TBX15: variants seen among roughly 807,000 people sequenced by gnomAD.
TBX15 encodes T-box transcription factor TBX15.
In TBX15, 18 loss-of-function variants were observed where a neutral mutation model predicts 53.9. The ratio of observed to expected loss-of-function variants is 0.33; its 90% CI spans 0.23 to 0.49. The LOEUF is 0.49. Ranked by LOEUF, TBX15 falls within the 20% of genes least tolerant of loss-of-function variation. The pLI, the probability that TBX15 is intolerant of heterozygous loss-of-function variation, is 0.98. For synonymous variants in TBX15, 295 were observed against 278.0 expected (o/e 1.06, Z -0.61); for missense variants, 692 against 749.5 (o/e 0.92, Z 0.90).
intron 1 of TBX15, among the ~76,000 whole-genome samples, chr1:118,941,177 T>A (rs1267074071): frequency 6.6e-6 from 1 of 152,180 alleles, no homozygotes; most frequent in Non-Finnish European, 1.5e-5. Flanking sequence ...CATAGCACCA[T>A]TGTGTATCTG....
At position 118,923,555 on chromosome 1, in the gene TBX15, G is replaced by A. The variant is rs371264178; in HGVS notation, c.742C>T (p.Arg248Cys). 101 of 1,613,860 alleles carry A rather than the reference G, an allele frequency of 6.3e-5. No individual in the cohort carries two copies. Among genetic ancestry groups the A allele is most frequent in the Non-Finnish European group, 8.2e-5 (97 of 1,179,934 alleles). Residue 248 changes from arginine to cysteine, a missense_variant, in exon 5 of 8, where the codon CGC (arginine) becomes TGC (cysteine). Arg to Cys is a radical substitution (Grantham distance 180). Around this residue, in one of 3 missense-constraint regions of TBX15, gnomAD observed 307 missense variants for 347.5 expected, o/e 0.88. Transcript: ENST00000369429. ...GAAAGGTCACTGCTGAAGTCTTTGCGAATCACATGAACTCGAGGCTGGTAT... is the reference window on the plus strand; with the variant it reads ...GAAAGGTCACTGCTGAAGTCTTTGCAAATCACATGAACTCGAGGCTGGTAT... The part of the protein sequence containing the change: ...HKYQPRVHVI[R>C]KDFSSDLSPT...
At chr1:118,944,913 A>C (rs1399302253) in intron 1 of TBX15, among the ~76,000 whole-genome samples, 1 of 152,138 alleles carries the variant, frequency 6.6e-6, no homozygotes, top group Non-Finnish European at 1.5e-5. Context: ...TTCCCAGGGA[A>C]TGGGGGTCAA....
At chr1:118,897,067 TTG>T (rs1378879425) in intron 7 of TBX15, among the ~76,000 whole-genome samples, 1 of 152,204 alleles carries the variant, frequency 6.6e-6, no homozygotes, top group African/African-American at 2.4e-5. Flanking sequence ...TTTGAAACCA[TTG>T]TTTTCAAAAT....
At chr1:118,925,483 T>A (rs1443395326) in intron 3 of TBX15, among the ~76,000 whole-genome samples, 2 of 152,206 alleles carry the variant, frequency 1.3e-5, no homozygotes, top group Non-Finnish European at 2.9e-5. Context: ...TCTACACTAT[T>A]TTCCCACAAA....
intron 1 of TBX15, among the ~76,000 whole-genome samples, chr1:118,967,720 G>T (rs1657097061): frequency 6.6e-6 from 1 of 152,184 alleles, no homozygotes; most frequent in Admixed American, 6.5e-5. Context: ...CCTAAGAGTT[G>T]CAAATGTTGA....
At chr1:118,890,773 T>A in intron 7 of TBX15, 1 of 631,084 alleles carries the variant, frequency 1.6e-6, no homozygotes, top group Non-Finnish European at 2.4e-6. Context: ...TTCAATTTAT[T>A]TTGCTGTGCT....
chr1:118,895,053 C>T (rs966013209), intron 7 of TBX15, among the ~76,000 whole-genome samples: 1 of 152,146 alleles, frequency 6.6e-6, no homozygotes, highest in Non-Finnish European at 1.5e-5. Context: ...TGGCTCATGT[C>T]CACTAAATTG....
intron 7 of TBX15, among the ~76,000 whole-genome samples, chr1:118,896,624 G>T (rs1654434628): frequency 6.6e-6 from 1 of 152,094 alleles, no homozygotes; most frequent in Non-Finnish European, 1.5e-5. Flanking sequence ...TGCAAACACT[G>T]CCAATACTCA....
At chr1:118,964,067 G>A (rs1656963297) in intron 1 of TBX15, among the ~76,000 whole-genome samples, 1 of 152,218 alleles carries the variant, frequency 6.6e-6, no homozygotes, top group Non-Finnish European at 1.5e-5. Context: ...CATGTATCAT[G>A]CTGTGCCCTG....
At chr1:118,956,796 A>C (rs1452512114) in intron 1 of TBX15, among the ~76,000 whole-genome samples, 1 of 151,846 alleles carries the variant, frequency 6.6e-6, no homozygotes, top group Admixed American at 6.6e-5. Flanking sequence ...ACTAAAAAAA[A>C]AAAAAATTAG....
chr1:118,888,930 G>C lies in TBX15; in HGVS notation c.1025-3414C>G, dbSNP rs536415477. The stretch of plus-strand genomic sequence containing the variant: ...TACAAAAAGAAAAAAAAAAAAAGGT[G>C]GGGGGTGGAACTATTAACAAGTTAC... On this transcript the variant is annotated intron_variant, in intron 7 of 7. Coordinates refer to ENST00000369429, the MANE Select transcript of TBX15 (RefSeq NM_001330677.2). Among the ~76,000 whole-genome samples, 7 of 152,188 alleles carry C rather than the reference G, an allele frequency of 4.6e-5. No homozygotes were observed. In the South Asian group the frequency reaches 1.2e-3, roughly 27 times the overall value.
In TBX15 at chr1:118,885,187, T is replaced by C. The variant is rs779069747; in HGVS notation, c.1354A>G (p.Thr452Ala). Reference protein sequence around the residue: ...RTPSLISGIPTPPSLPGNSKM... With the variant: ...RTPSLISGIPAPPSLPGNSKM... ...CTGTTGCCAGGCAACGAGGGAGGAGTTGGTATTCCTGAGATCAGGGATGGA... is the reference window on the plus strand; with the variant it reads ...CTGTTGCCAGGCAACGAGGGAGGAGCTGGTATTCCTGAGATCAGGGATGGA... Residue 452 changes from threonine to alanine, a missense_variant, in exon 8 of 8, where the codon ACT becomes GCT. Physicochemically the swap from Thr to Ala is moderately conservative, Grantham distance 58 (BLOSUM62 0). This residue lies in a region of TBX15 where 375 missense variants were observed against 371.6 expected (regional missense o/e 1.01). Coordinates refer to ENST00000369429, the MANE Select transcript of TBX15 (RefSeq NM_001330677.2). The C allele has an allele frequency of 5.0e-6, 8 of 1,613,494 alleles. No individual in the cohort carries two copies. The South Asian group carries it at 8.8e-5, about 18-fold the overall frequency.
At chr1:118,987,562 C>G (rs951991231) in intron 1 of TBX15, 29 bp downstream of exon 1, 2 of 1,536,174 alleles carry the variant, frequency 1.3e-6, no homozygotes, top group Non-Finnish European at 1.8e-6. Flanking sequence ...TCTCCGCCCG[C>G]CTCCCGCGGT....
At chr1:118,951,636 C>T (rs1656516274) in intron 1 of TBX15, among the ~76,000 whole-genome samples, 1 of 151,114 alleles carries the variant, frequency 6.6e-6, no homozygotes, top group South Asian at 2.1e-4. Flanking sequence ...CTCATGCCCT[C>T]AGTTGCAACA....
At chr1:118,901,777 T>C (rs1654638233) in intron 6 of TBX15, among the ~76,000 whole-genome samples, 1 of 152,140 alleles carries the variant, frequency 6.6e-6, no homozygotes. Flanking sequence ...CACCCTCTGG[T>C]TCCATTACCA....
At chr1:118,942,213 T>A (rs1656199317) in intron 1 of TBX15, among the ~76,000 whole-genome samples, 1 of 152,170 alleles carries the variant, frequency 6.6e-6, no homozygotes, top group Admixed American at 6.5e-5. Context: ...AAAGGGAATT[T>A]TCTGGCAGAG....
intron 6 of TBX15, among the ~76,000 whole-genome samples, chr1:118,913,183 TA>T (rs1655076390): frequency 6.6e-6 from 1 of 152,044 alleles, no homozygotes; most frequent in South Asian, 2.1e-4. Context: ...ATACCAAAGA[TA>T]ACCCCTGGTA....
intron 5 of TBX15, among the ~76,000 whole-genome samples, chr1:118,915,090 C>T (rs1015266531): frequency 6.6e-6 from 1 of 152,176 alleles, no homozygotes; most frequent in Admixed American, 6.5e-5. Context: ...CACATGCACT[C>T]TAGTGTTTCC....
chr1:118,917,250 G>A (rs1655268513), intron 5 of TBX15, among the ~76,000 whole-genome samples: 1 of 152,192 alleles, frequency 6.6e-6, no homozygotes, highest in African/African-American at 2.4e-5. Flanking sequence ...AAAAAGGAAT[G>A]AGATCATGTC....
Sources: allele counts gnomAD v4.1 joint callset (sites outside exome capture counted in the v4.1 genomes callset), GRCh38; gene constraint gnomAD v4.1.1; regional missense constraint gnomAD v4.1.1; transcripts MANE v1.5; gene names NCBI Gene and HGNC (gene_info 2026-07-23, HGNC 2026-07-21).